The following NEB variants were observed in gnomAD, a reference collection of about 807,000 sequenced individuals.
NEB encodes nebulin.
In NEB, 512 loss-of-function variants were observed where a neutral mutation model predicts 952.2. That is an observed-to-expected ratio of 0.54 (90% CI 0.50 to 0.58). The LOEUF (loss-of-function observed/expected upper bound fraction) is 0.58, where lower values mean the gene tolerates loss of function less well. Among genes scored for constraint, NEB ranks in the 20% least tolerant of loss-of-function variants. The pLI, the probability that NEB is intolerant of heterozygous loss-of-function variation, is 0.00. For missense variants in NEB, 8,428 were observed against 9,231.1 expected (o/e 0.91, Z 3.56); for synonymous variants, 2,900 against 3,149.8 (o/e 0.92, Z 2.66).
chr2:151,555,124 G>T lies in NEB; in HGVS notation c.19315-80C>A. ...TTATTAAAACAGCATAAGACTTAAT[G>T]GGAAAAACCCGACTCTGAGATCCAC... On this transcript the variant is annotated intron_variant, in intron 124 of 181. Coordinates refer to ENST00000397345, the MANE Select transcript of NEB (RefSeq NM_001164508.2). The T allele has an allele frequency of 3.0e-6, 3 of 1,004,648 alleles. No individual in the cohort carries two copies. In the South Asian group the frequency reaches 4.1e-5, roughly 14 times the overall value. 62.2% of individuals were successfully genotyped at this position (1,004,648 alleles called of 1,614,324 possible). A position where few individuals can be genotyped will look rare whatever the true frequency, so the allele number is the denominator to read the frequency against.
chr2:151,684,421 G>A (rs899428785), intron 28 of NEB, among the ~76,000 whole-genome samples: 14 of 152,094 alleles, frequency 9.2e-5, no homozygotes, highest in Non-Finnish European at 1.9e-4. Flanking sequence ...TGATAATAGC[G>A]ATGATAAATA....
chr2:151,536,651 G>A (rs530324617), intron 141 of NEB, among the ~76,000 whole-genome samples: 17 of 152,218 alleles, frequency 1.1e-4, no homozygotes, highest in African/African-American at 4.1e-4. Flanking sequence ...CTTCTTAGAT[G>A]TTTTATTTAC....
intron 36 of NEB, among the ~76,000 whole-genome samples, chr2:151,673,773 G>A (rs1206717709): frequency 1.1e-4 from 14 of 125,542 alleles, no homozygotes; most frequent in East Asian, 4.5e-4. Flanking sequence ...TCCCTCTGTC[G>A]CCCAGGCTGG....
chr2:151,502,720 T>C, intron 167 of NEB, 73 bp downstream of exon 167: 1 of 832,350 alleles, frequency 1.2e-6, no homozygotes, highest in South Asian at 1.6e-5. Flanking sequence ...ATTTAGTAAT[T>C]TTACATTTGT....
Position 151,625,646 on chromosome 2 carries a change from G to A in NEB, c.10348-8C>T. 2 of 1,544,164 alleles carry A rather than the reference G, an allele frequency of 1.3e-6. No individual in the cohort carries two copies. The highest frequency in any genetic ancestry group is 1.3e-5 in the South Asian group (1 of 78,844). Reference sequence around the variant, plus strand: ...GGCTTCTGTGTATAAGCGCTGTGAAGGATAAAAAGGTTAATGAATTAGAAA... The same window carrying A: ...GGCTTCTGTGTATAAGCGCTGTGAAAGATAAAAAGGTTAATGAATTAGAAA... On this transcript the variant is annotated splice_region_variant and splice_polypyrimidine_tract_variant and intron_variant, in intron 70 of 181. Transcript: ENST00000397345.
chr2:151,562,054 C>T (rs531944752), intron 121 of NEB, 56 bp downstream of exon 121: 1 of 1,395,840 alleles, frequency 7.2e-7, no homozygotes, highest in South Asian at 1.2e-5. Context: ...CCCACTGACA[C>T]CACCATGGAT....
In NEB at chr2:151,630,750, T is replaced by G; in HGVS notation, c.9688A>C (p.Met3230Leu). 6.2e-7 allele frequency: 1 copy of G among 1,611,398 alleles called. No individual in the cohort carries two copies. Among genetic ancestry groups the G allele is most frequent in the Non-Finnish European group, 8.5e-7 (1 of 1,178,638 alleles). ...IHIMPDTPEI[M>L]LARQNKINYS... ...TTGATTTTGTTCTGCCTTGCCAACA[T>G]AATCTCTGGTGTATCAGGCATTATG... Residue 3230 changes from methionine to leucine, a missense_variant, in exon 67 of 182, where the codon ATG becomes CTG. Around this residue, in one of 11 missense-constraint regions of NEB, gnomAD observed 1,772 missense variants for 1,960.3 expected, o/e 0.90. Transcript: ENST00000397345.
chr2:151,547,292 T>C (rs2094834147), intron 133 of NEB, 137 bp downstream of exon 133: 3 of 664,900 alleles, frequency 4.5e-6, no homozygotes, highest in South Asian at 3.9e-5. Flanking sequence ...CCACACTGTC[T>C]TACCTCCAAC....
At chr2:151,549,069 G>C (rs2153629449) in intron 130 of NEB, among the ~76,000 whole-genome samples, 1 of 152,270 alleles carries the variant, frequency 6.6e-6, no homozygotes, top group Middle Eastern at 3.4e-3. Flanking sequence ...GTGGAGAAGG[G>C]CAACATGAGG....
intron 35 of NEB, 61 bp downstream of exon 35, chr2:151,675,226 T>C: frequency 8.3e-7 from 1 of 1,202,306 alleles, no homozygotes; most frequent in South Asian, 1.3e-5. Flanking sequence ...CATCCTACTC[T>C]TAAAGTCTAT....
At chr2:151,498,092 A>G in intron 170 of NEB, 168 bp downstream of exon 170, 1 of 1,472,594 alleles carries the variant, frequency 6.8e-7, no homozygotes, top group South Asian at 1.4e-5. Flanking sequence ...GATGAAGTAA[A>G]AAATTGACAT....
At chr2:151,567,044 C>T in intron 114 of NEB, 124 bp downstream of exon 114, 3 of 866,602 alleles carry the variant, frequency 3.5e-6, no homozygotes, top group Non-Finnish European at 5.2e-6. Flanking sequence ...GCCTCAATTC[C>T]CTTTGGGAAC....
In NEB at chr2:151,496,195, T is replaced by C. The variant is rs193025560; in HGVS notation, c.24486+81A>G. On this transcript the variant is annotated intron_variant, in intron 173 of 181. Coordinates refer to ENST00000397345, the MANE Select transcript of NEB (RefSeq NM_001164508.2). ...CAAAATTTAAGTTGTCTTTAAAAAG[T>C]AGGATTAATATGTATTATTTTAAAT... is the stretch of plus-strand genomic sequence containing the variant. 3.7e-4 allele frequency: 505 copies of C among 1,366,794 alleles called. 4 individuals carry two copies. The African/African-American group carries it at 6.7e-3, about 18-fold the overall frequency. 84.7% of individuals were successfully genotyped at this position (1,366,794 alleles called of 1,614,324 possible). A position where few individuals can be genotyped will look rare whatever the true frequency, so the allele number is the denominator to read the frequency against.
chr2:151,556,424 G>A (rs566036465), intron 124 of NEB, among the ~76,000 whole-genome samples: 1 of 152,306 alleles, frequency 6.6e-6, no homozygotes, highest in South Asian at 2.1e-4. Context: ...TTCCCACTGT[G>A]AGTCATGGTC....
intron 157 of NEB, among the ~76,000 whole-genome samples, 200 bp from the exon 158 acceptor site, chr2:151,515,128 G>A (rs1160684015): frequency 1.3e-5 from 2 of 152,094 alleles, no homozygotes; most frequent in African/African-American, 2.4e-5. Flanking sequence ...GGAAATTCAG[G>A]CTGAGACACT....
chr2:151,564,970 A>G (rs2096287833), intron 117 of NEB, 74 bp downstream of exon 117: 2 of 902,258 alleles, frequency 2.2e-6, no homozygotes, highest in African/African-American at 3.4e-5. Flanking sequence ...AGTTGACAAA[A>G]TCAGCCAAGA....
intron 85 of NEB, among the ~76,000 whole-genome samples, chr2:151,604,179 C>T (rs1357262131): frequency 8.4e-6 from 1 of 119,650 alleles, no homozygotes; most frequent in Admixed American, 7.4e-5. Flanking sequence ...ATACCTGTAT[C>T]GATATCCACC....
chr2:151,529,405 A>C, intron 145 of NEB, 91 bp from the exon 146 acceptor site: 1 of 812,934 alleles, frequency 1.2e-6, no homozygotes, highest in Non-Finnish European at 2.1e-6. Context: ...ATGCATGACT[A>C]TAGTACACAA....
rs868137662 is a variant in NEB, at chr2:151,702,253, T to A, written c.1153-4605A>T. Among the ~76,000 whole-genome samples the A allele has an allele frequency of 3.2e-3, 491 of 152,138 alleles. 1 individual carries two copies. The highest frequency in any genetic ancestry group is 0.01 in the African/African-American group (435 of 41,510). Reference sequence around the variant, plus strand: ...AGATAGTTTGTTATAATGTCTGTTCTTTTACATTTGCTGAGGAGAGCTTTA... The same window carrying A: ...AGATAGTTTGTTATAATGTCTGTTCATTTACATTTGCTGAGGAGAGCTTTA... On this transcript the variant is annotated intron_variant, in intron 13 of 181. Coordinates refer to ENST00000397345, the MANE Select transcript of NEB (RefSeq NM_001164508.2).
Sources: allele counts gnomAD v4.1 joint callset (sites outside exome capture counted in the v4.1 genomes callset), GRCh38; gene constraint gnomAD v4.1.1; regional missense constraint gnomAD v4.1.1; transcripts MANE v1.5; gene names NCBI Gene and HGNC (gene_info 2026-07-23, HGNC 2026-07-21).